The following DEFB131A variants were observed in gnomAD, a reference collection of about 807,000 sequenced individuals.
DEFB131A encodes defensin beta 131A, also known as beta-defensin 131A.
DEFB131A carries 5 observed loss-of-function variants against 2.4 expected under a neutral mutation model. The observed-to-expected ratio is 2.12, with a 90% CI of 1.11 to 4.47. DEFB131A has a LOEUF of 4.47. Ranked by LOEUF, DEFB131A falls within the 30% of genes most tolerant of loss-of-function variation. The pLI, the probability that DEFB131A is intolerant of heterozygous loss-of-function variation, is 0.00. For synonymous variants in DEFB131A, 34 were observed against 25.7 expected, an observed-to-expected ratio of 1.32 and a Z score of -0.97; for missense variants, 120 against 79.9, an observed-to-expected ratio of 1.50 and a Z score of -1.91.
intron 1 of DEFB131A, among the ~76,000 whole-genome samples, chr4:9,444,887 C>G (rs181253695): frequency 2.2e-5 from 3 of 135,346 alleles, no homozygotes; most frequent in African/African-American, 8.2e-5. Flanking sequence ...GTGGGGGCAA[C>G]AGGGTGAAAC....
At chr4:9,446,860 G>T (rs1358247643) in intron 1 of DEFB131A, among the ~76,000 whole-genome samples, 1 of 152,076 alleles carries the variant, frequency 6.6e-6, no homozygotes, top group Non-Finnish European at 1.5e-5. Flanking sequence ...TTGTTCAGAA[G>T]CATGTTGTTT....
intron 1 of DEFB131A, among the ~76,000 whole-genome samples, chr4:9,446,122 C>T (rs1400630388): frequency 6.6e-6 from 1 of 151,842 alleles, no homozygotes; most frequent in African/African-American, 2.4e-5. Flanking sequence ...ATATAAAACA[C>T]CAACATTCAT....
intron 1 of DEFB131A, among the ~76,000 whole-genome samples, chr4:9,447,431 C>T (rs1212147577): frequency 3.3e-5 from 5 of 152,006 alleles, no homozygotes; most frequent in South Asian, 2.1e-4. Context: ...TCTTGCATTG[C>T]TATAGGGTTA....
intron 1 of DEFB131A, among the ~76,000 whole-genome samples, chr4:9,449,549 A>T (rs1266396919): frequency 2.0e-5 from 3 of 151,560 alleles, no homozygotes; most frequent in African/African-American, 7.3e-5. Flanking sequence ...GCAACTCAAA[A>T]TGAACTACAC....
At position 9,444,447 on chromosome 4, in the gene DEFB131A, A is replaced by G; in HGVS notation, c.-87A>G. On this transcript the variant is annotated 5_prime_UTR_variant, in exon 1 of 2. Transcript: ENST00000334879. ...TGAAAGGTTCAATAATCACTCAACA[A>G]CTCACCTCTTCAGAGAACTGAATGT... 6.8e-7 allele frequency: 1 copy of G among 1,479,468 alleles called. No individual in the cohort carries two copies. Among genetic ancestry groups the G allele is most frequent in the Non-Finnish European group, 9.3e-7 (1 of 1,076,930 alleles). The allele number at this position is 1,479,468 out of a possible 1,614,324, so 91.6% of individuals were successfully genotyped here.
chr4:9,447,967 G>C (rs1431010005), intron 1 of DEFB131A, among the ~76,000 whole-genome samples: 2 of 151,966 alleles, frequency 1.3e-5, no homozygotes, highest in African/African-American at 4.8e-5. Flanking sequence ...ATTACAAAAG[G>C]AACAATATAT....
At position 9,450,598 on chromosome 4, in the gene DEFB131A, T is replaced by C. The variant is rs187067236; in HGVS notation, c.*84T>C. 1.7e-4 allele frequency: 261 copies of C among 1,499,902 alleles called. No individual in the cohort carries two copies. The highest frequency in any genetic ancestry group is 2.3e-4 in the Non-Finnish European group (252 of 1,112,794). 92.9% of individuals were successfully genotyped at this position (1,499,902 alleles called of 1,614,324 possible). ...ATCTATGAATAATTAACATGATAGA[T>C]GAAAATTATTATAATTGCATGTTTA... On this transcript the variant is annotated 3_prime_UTR_variant, in exon 2 of 2. Transcript: ENST00000334879.
chr4:9,445,775 C>T (rs1485395366), intron 1 of DEFB131A, among the ~76,000 whole-genome samples: 1 of 151,864 alleles, frequency 6.6e-6, no homozygotes, highest in African/African-American at 2.4e-5. Flanking sequence ...AATTGTGCAC[C>T]CCTCACCATT....
intron 1 of DEFB131A, among the ~76,000 whole-genome samples, chr4:9,446,485 G>A (rs1306593253): frequency 6.6e-6 from 1 of 151,910 alleles, no homozygotes; most frequent in Non-Finnish European, 1.5e-5. Flanking sequence ...TCTCTCTTTT[G>A]TTCTTGGTTA....
intron 1 of DEFB131A, among the ~76,000 whole-genome samples, chr4:9,447,396 T>C (rs1003210254): frequency 3.3e-5 from 5 of 152,188 alleles, no homozygotes; most frequent in African/African-American, 9.6e-5. Context: ...TTTTGTCCAA[T>C]ATAAATATAG....
rs192042142 is a variant in DEFB131A, at chr4:9,444,465, C to A, written c.-69C>A. 1.4e-4 allele frequency: 222 copies of A among 1,562,486 alleles called. 1 individual carries two copies. The Admixed American group carries it at 3.7e-3, about 26-fold the overall frequency. On this transcript the variant is annotated 5_prime_UTR_variant, in exon 1 of 2. In the 5' UTR this introduces an upstream ATG that the reference lacks. Coordinates refer to ENST00000334879, the MANE Select transcript of DEFB131A (RefSeq NM_001040448.3). ...CTCAACAACTCACCTCTTCAGAGAA[C>A]TGAATGTACACAGAAGTCCTCTTCA...
rs1560127589 is a variant in DEFB131A at position 9,444,432 on chromosome 4, A to G, written c.-102A>G. The G allele has an allele frequency of 3.0e-6, 4 of 1,340,672 alleles. No homozygotes were observed. In the East Asian group the frequency reaches 6.9e-5, roughly 23 times the overall value. The allele number at this position is 1,340,672 out of a possible 1,614,324, so 83.0% of individuals were successfully genotyped here. A position where few individuals can be genotyped will look rare whatever the true frequency, so the allele number is the denominator to read the frequency against. ...AAATGTTCTTGCTCCTGAAAGGTTC[A>G]ATAATCACTCAACAACTCACCTCTT... On this transcript the variant is annotated 5_prime_UTR_variant, in exon 1 of 2. Transcript: ENST00000334879.
Position 9,444,450 on chromosome 4 carries a change from C to A in DEFB131A, c.-84C>A. On this transcript the variant is annotated 5_prime_UTR_variant, in exon 1 of 2. Transcript: ENST00000334879. ...AAGGTTCAATAATCACTCAACAACT[C>A]ACCTCTTCAGAGAACTGAATGTACA... is the stretch of plus-strand genomic sequence containing the variant. 6.7e-7 allele frequency: 1 copy of A among 1,493,068 alleles called. No individual in the cohort carries two copies. The highest frequency in any genetic ancestry group is 9.2e-7 in the Non-Finnish European group (1 of 1,088,752). The allele number at this position is 1,493,068 out of a possible 1,614,324, so 92.5% of individuals were successfully genotyped here. A position where few individuals can be genotyped will look rare whatever the true frequency, so the allele number is the denominator to read the frequency against.
At chr4:9,446,264 A>C (rs1237103498) in intron 1 of DEFB131A, among the ~76,000 whole-genome samples, 2 of 152,116 alleles carry the variant, frequency 1.3e-5, no homozygotes, top group Non-Finnish European at 2.9e-5. Context: ...CTCAGGTATA[A>C]ACCACAGTTT....
At chr4:9,448,739 A>G (rs1717570951) in intron 1 of DEFB131A, among the ~76,000 whole-genome samples, 1 of 152,216 alleles carries the variant, frequency 6.6e-6, no homozygotes, top group East Asian at 1.9e-4. Context: ...CTCATACTCA[A>G]TGGTGAAAAA....
In DEFB131A at chr4:9,450,523, A is replaced by G; in HGVS notation, c.*9A>G. ...GACAAAAGAAGTGGTGAAAATTCTA[A>G]CTCCATCTTCTTCAGACTCCGGGAC... On this transcript the variant is annotated 3_prime_UTR_variant, in exon 2 of 2. Transcript: ENST00000334879. 6.2e-7 allele frequency: 1 copy of G among 1,606,644 alleles called. No individual in the cohort carries two copies. The highest frequency in any genetic ancestry group is 8.5e-7 in the Non-Finnish European group (1 of 1,177,212).
rs1342966242 is a variant in DEFB131A, at chr4:9,444,517, GC to G, written c.-16del. The stretch of plus-strand genomic sequence containing the variant: ...CTCAGCTACTGATTCTCTCTAACCT[GC>G]TTTACCTATTCAACCATGAGGGTCT... On this transcript the variant is annotated 5_prime_UTR_variant, in exon 1 of 2. Coordinates refer to ENST00000334879, the MANE Select transcript of DEFB131A (RefSeq NM_001040448.3). 6.2e-7 allele frequency: 1 copy of G among 1,611,046 alleles called. No individual in the cohort carries two copies. The highest frequency in any genetic ancestry group is 1.3e-5 in the African/African-American group (1 of 74,804).
At chr4:9,448,381 C>A (rs1199457698) in intron 1 of DEFB131A, among the ~76,000 whole-genome samples, 1 of 152,200 alleles carries the variant, frequency 6.6e-6, no homozygotes, top group East Asian at 1.9e-4. Flanking sequence ...GACAGTCTCA[C>A]TTTGTCACCC....
At chr4:9,449,860 AC>A (rs1262170644) in intron 1 of DEFB131A, among the ~76,000 whole-genome samples, 1 of 152,016 alleles carries the variant, frequency 6.6e-6, no homozygotes, top group African/African-American at 2.4e-5. Flanking sequence ...TTCTCATTTC[AC>A]CAAAAACAGA....
Sources: allele counts gnomAD v4.1 joint callset (sites outside exome capture counted in the v4.1 genomes callset), GRCh38; gene constraint gnomAD v4.1.1; transcripts MANE v1.5; gene names NCBI Gene and HGNC (gene_info 2026-07-23, HGNC 2026-07-21).